Variants in COX7A2L observed in about 807,000 individuals in gnomAD.
COX7A2L encodes cytochrome c oxidase subunit 7A2 like.
In COX7A2L, 18 loss-of-function variants were observed where a neutral mutation model predicts 14.2. That is an observed-to-expected ratio of 1.27 (90% CI 0.88 to 1.88). The LOEUF is 1.88. Ranked by LOEUF, COX7A2L falls within the 40% of genes most tolerant of loss-of-function variation. The pLI is 0.00. For synonymous variants in COX7A2L, 65 were observed against 57.4 expected (o/e 1.13, Z -0.60); for missense variants, 179 against 138.8 (o/e 1.29, Z -1.46).
intron 2 of COX7A2L, among the ~76,000 whole-genome samples, chr2:42,344,039 C>G (rs1670449273): frequency 6.6e-6 from 1 of 152,132 alleles, no homozygotes; most frequent in African/African-American, 2.4e-5. Context: ...TTTACAAGGA[C>G]AAGTGTAAAG....
At chr2:42,344,224 C>T (rs765717423) in intron 2 of COX7A2L, among the ~76,000 whole-genome samples, 4 of 152,186 alleles carry the variant, frequency 2.6e-5, no homozygotes, top group Non-Finnish European at 5.9e-5. Flanking sequence ...ATGTATCCAA[C>T]GGAATGTAAC....
chr2:42,346,744 A>T (rs1259459141), downstream of COX7A2L, among the ~76,000 whole-genome samples: 1 of 151,982 alleles, frequency 6.6e-6, no homozygotes, highest in Non-Finnish European at 1.5e-5. Flanking sequence ...TGGGCGACGG[A>T]GTGAGACCCT....
At chr2:42,364,198 C>G (rs71441196), upstream of COX7A2L, among the ~76,000 whole-genome samples, 2 of 147,600 alleles carry the variant, frequency 1.4e-5, no homozygotes, top group East Asian at 2.0e-4. Context: ...TTGCAGTGAG[C>G]CGAGATCGCG....
intron 2 of COX7A2L, among the ~76,000 whole-genome samples, chr2:42,351,652 G>A (rs1572791572): frequency 6.6e-6 from 1 of 152,262 alleles, no homozygotes; most frequent in East Asian, 1.9e-4. Flanking sequence ...TTTTTAAAAG[G>A]CAAAGGTAAT....
At chr2:42,368,533 C>T (rs1671210522) in intron 1 of COX7A2L, among the ~76,000 whole-genome samples, 1 of 152,204 alleles carries the variant, frequency 6.6e-6, no homozygotes, top group Admixed American at 6.5e-5. Flanking sequence ...ACCTTGTTAA[C>T]CCAGTGAATT....
chr2:42,343,028 C>T (rs1249855130), intron 2 of COX7A2L, among the ~76,000 whole-genome samples: 1 of 152,176 alleles, frequency 6.6e-6, no homozygotes, highest in Admixed American at 6.5e-5. Context: ...TCCCCTCCTA[C>T]CTCAGGAGGT....
chr2:42,353,445 C>G, intron 1 of COX7A2L, 102 bp from the exon 2 acceptor site: 2 of 1,479,568 alleles, frequency 1.4e-6, no homozygotes, highest in South Asian at 2.5e-5. Flanking sequence ...AAGAAAGTCT[C>G]TCCAACTTTC....
At chr2:42,354,346 C>A (rs1670750302) in intron 1 of COX7A2L, among the ~76,000 whole-genome samples, 1 of 151,834 alleles carries the variant, frequency 6.6e-6, no homozygotes, top group Non-Finnish European at 1.5e-5. Flanking sequence ...ATAGAGTAAT[C>A]CAAAATAACC....
chr2:42,365,413 C>T (rs1671145804), upstream of COX7A2L, among the ~76,000 whole-genome samples: 1 of 152,058 alleles, frequency 6.6e-6, no homozygotes, highest in African/African-American at 2.4e-5. Context: ...GATCACCTGA[C>T]ATCAGGAGTT....
intron 1 of COX7A2L, among the ~76,000 whole-genome samples, chr2:42,357,714 G>A (rs1485053907): frequency 2.0e-5 from 3 of 151,958 alleles, no homozygotes; most frequent in African/African-American, 4.8e-5. Context: ...GCCCATTCAG[G>A]AACACCCTGT....
At chr2:42,345,552 C>G (rs964520905), downstream of COX7A2L, among the ~76,000 whole-genome samples, 4 of 152,106 alleles carry the variant, frequency 2.6e-5, no homozygotes, top group Non-Finnish European at 5.9e-5. Flanking sequence ...TACATTGCCC[C>G]AGGGATGGTT....
intron 2 of COX7A2L, among the ~76,000 whole-genome samples, chr2:42,340,118 C>T (rs906289329): frequency 5.3e-5 from 8 of 152,134 alleles, no homozygotes; most frequent in African/African-American, 1.9e-4. Flanking sequence ...ACCTAGAAGA[C>T]CCATAGGCAA....
intron 1 of COX7A2L, among the ~76,000 whole-genome samples, chr2:42,355,646 A>T (rs929650499): frequency 6.6e-6 from 1 of 151,474 alleles, no homozygotes; most frequent in Non-Finnish European, 1.5e-5. Context: ...TAATTGTTAT[A>T]AATTGTAACT....
chr2:42,349,704 G>A lies in COX7A2L; in HGVS notation c.*1515C>T, dbSNP rs942042818. ...AAATCTGAAAGTAAACTATGTATTA[G>A]ATGGTAGTATTGTTATAAATGTTAA... On this transcript the variant is annotated 3_prime_UTR_variant, in exon 3 of 3. Transcript: ENST00000234301. 3.3e-5 allele frequency: 5 copies of A among 152,206 alleles called. No individual in the cohort carries two copies. Among genetic ancestry groups the A allele is most frequent in the African/African-American group, 1.2e-4 (5 of 41,446 alleles). The allele number at this position is 152,206 out of a possible 1,614,324, so 9.4% of individuals were successfully genotyped here. A position where few individuals can be genotyped will look rare whatever the true frequency, so the allele number is the denominator to read the frequency against.
intron 2 of COX7A2L, among the ~76,000 whole-genome samples, chr2:42,341,473 C>T (rs1408054933): frequency 6.6e-6 from 1 of 152,206 alleles, no homozygotes; most frequent in Non-Finnish European, 1.5e-5. Context: ...TCCTTTCCCA[C>T]AGCCATGGGA....
chr2:42,358,347 T>G (rs1465518418), intron 1 of COX7A2L, among the ~76,000 whole-genome samples: 1 of 152,252 alleles, frequency 6.6e-6, no homozygotes, highest in Non-Finnish European at 1.5e-5. Flanking sequence ...TCCCACCAAC[T>G]GCTTGCTGTC....
intron 1 of COX7A2L, chr2:42,360,038 TA>T (rs1486426849): frequency 1.3e-5 from 2 of 152,204 alleles, no homozygotes; most frequent in Non-Finnish European, 2.9e-5. Flanking sequence ...AAATCTTTCT[TA>T]AACATCTGCC....
At chr2:42,355,883 G>A (rs1018225251) in intron 1 of COX7A2L, among the ~76,000 whole-genome samples, 16 of 151,766 alleles carry the variant, frequency 1.1e-4, no homozygotes, top group African/African-American at 3.4e-4. Flanking sequence ...ACGCCACCAC[G>A]CCCAGCTAAT....
At position 42,338,610 on chromosome 2, in the gene COX7A2L, C is replaced by G. The variant is rs534444250; in HGVS notation, c.193-4741G>C. Among the ~76,000 whole-genome samples the G allele has an allele frequency of 5.3e-5, 8 of 152,302 alleles. No homozygotes were observed. In the South Asian group the frequency reaches 1.5e-3, roughly 28 times the overall value. ...CAAGAATCCCCCCGATAGGACTCAG[C>G]CCCCACCAAGACCGTAGAGCCTTAG... On this transcript the variant is annotated intron_variant, in intron 2 of 2. Transcript: ENST00000468711. This position sits in a 1 kb window ranked among gnomAD's most constrained non-coding sequence, Gnocchi z 4.4.
Sources: allele counts gnomAD v4.1 joint callset (sites outside exome capture counted in the v4.1 genomes callset), GRCh38; gene constraint gnomAD v4.1.1; non-coding constraint Gnocchi (gnomAD v3.1); transcripts MANE v1.5; gene names NCBI Gene and HGNC (gene_info 2026-07-23, HGNC 2026-07-21).